Variants in ANGEL2 observed in about 807,000 individuals in gnomAD.
ANGEL2 encodes the protein angel homolog 2.
ANGEL2 carries 41 observed loss-of-function variants against 66.0 expected under a neutral mutation model. The observed-to-expected ratio is 0.62, with a 90% CI of 0.48 to 0.81. ANGEL2 has a LOEUF of 0.81. Ranked by LOEUF, ANGEL2 falls within the 30% of genes least tolerant of loss-of-function variation. ANGEL2 has a pLI of 0.00. For synonymous variants in ANGEL2, 208 were observed against 226.5 expected, an observed-to-expected ratio of 0.92 and a Z score of 0.73; for missense variants, 561 against 641.6, an observed-to-expected ratio of 0.87 and a Z score of 1.36.
chr1:212,996,640 A>AAAATAT (rs56102625), intron 8 of ANGEL2, among the ~76,000 whole-genome samples: 5 of 66,472 alleles, frequency 7.5e-5, no homozygotes, highest in African/African-American at 3.5e-4. Context: ...AAAAAAAAAA[A>AAAATAT]ATATATATAT....
intron 2 of ANGEL2, among the ~76,000 whole-genome samples, chr1:213,009,870 G>A (rs1472398228): frequency 1.3e-5 from 2 of 152,068 alleles, no homozygotes; most frequent in Non-Finnish European, 1.5e-5. Context: ...GGCCAACATG[G>A]CGAAACCCTG....
Position 212,997,146 on chromosome 1 carries a change from A to C in ANGEL2, c.1483+9T>G, listed in dbSNP as rs779568736. 1.6e-5 allele frequency: 25 copies of C among 1,610,202 alleles called. No individual in the cohort carries two copies. Among genetic ancestry groups the C allele is most frequent in the Non-Finnish European group, 2.1e-5 (25 of 1,177,010 alleles). ...TCTAGGAGAATTTAAGATTACATGC[A>C]TTCCTTACCTGGGTGCCCAGCAACA... is the stretch of plus-strand genomic sequence containing the variant. On this transcript the variant is annotated intron_variant, in intron 8 of 8. Coordinates refer to ENST00000366962, the MANE Select transcript of ANGEL2 (RefSeq NM_144567.5).
At chr1:213,011,545 A>G (rs2148177430) in intron 2 of ANGEL2, 1 of 931,494 alleles carries the variant, frequency 1.1e-6, no homozygotes, top group Non-Finnish European at 1.3e-6. Flanking sequence ...AAGGGAAAAC[A>G]ACACCATAAT....
At chr1:213,002,832 C>T (rs557759445) in intron 5 of ANGEL2, among the ~76,000 whole-genome samples, 14 of 151,390 alleles carry the variant, frequency 9.2e-5, no homozygotes, top group Admixed American at 7.2e-4. Context: ...GAAGCAGAAT[C>T]GCTGGAACCC....
intron 7 of ANGEL2, among the ~76,000 whole-genome samples, chr1:212,999,149 G>C (rs1194557235): frequency 6.6e-6 from 1 of 151,950 alleles, no homozygotes; most frequent in South Asian, 2.1e-4. Flanking sequence ...CGAGATTACA[G>C]GCACGAGCCA....
Position 212,992,793 on chromosome 1 carries a change from C to A in ANGEL2, c.*2248G>T. 6.6e-6 allele frequency: 1 copy of A among 152,048 alleles called. No homozygotes were observed. The highest frequency in any genetic ancestry group is 1.5e-5 in the Non-Finnish European group (1 of 68,010). The allele number at this position is 152,048 out of a possible 1,614,324, so 9.4% of individuals were successfully genotyped here. A position where few individuals can be genotyped will look rare whatever the true frequency, so the allele number is the denominator to read the frequency against. ...AGGGATGTTTGTTTGTTAACAATGACCTATATGTAATAATGTTATTTGTTA... is the reference window on the plus strand; with the variant it reads ...AGGGATGTTTGTTTGTTAACAATGAACTATATGTAATAATGTTATTTGTTA... On this transcript the variant is annotated 3_prime_UTR_variant, in exon 9 of 9. Transcript: ENST00000366962.
At chr1:213,015,456 T>C in intron 1 of ANGEL2, 157 bp downstream of exon 1, 1 of 1,448,306 alleles carries the variant, frequency 6.9e-7, no homozygotes, top group East Asian at 2.5e-5. Flanking sequence ...GCTTGGTCTC[T>C]GGAGGCTCGT....
At chr1:213,006,246 G>C (rs1455687551) in intron 4 of ANGEL2, among the ~76,000 whole-genome samples, 1 of 152,056 alleles carries the variant, frequency 6.6e-6, no homozygotes, top group African/African-American at 2.4e-5. Flanking sequence ...CGGATCACGA[G>C]GTCAGGAGAT....
chr1:213,015,008 G>T, intron 1 of ANGEL2: 2 of 511,696 alleles, frequency 3.9e-6, no homozygotes, highest in Non-Finnish European at 5.0e-6. Context: ...GCTAATGTGG[G>T]CAGCACCTAC....
intron 1 of ANGEL2, among the ~76,000 whole-genome samples, chr1:213,014,954 T>C (rs1375184879): frequency 6.6e-6 from 1 of 152,178 alleles, no homozygotes; most frequent in Non-Finnish European, 1.5e-5. Context: ...AAAAACATAA[T>C]CGCACATCAA....
intron 4 of ANGEL2, chr1:213,006,495 T>C (rs2076332676): frequency 6.7e-6 from 1 of 149,370 alleles, no homozygotes; most frequent in Non-Finnish European, 1.5e-5. Flanking sequence ...GCTGAATGAA[T>C]GAATGCAAAG....
chr1:213,004,958 G>T, intron 5 of ANGEL2, 75 bp downstream of exon 5: 1 of 1,122,610 alleles, frequency 8.9e-7, no homozygotes, highest in Non-Finnish European at 1.2e-6. Flanking sequence ...AAATAGCCAT[G>T]TAATGACTAT....
intron 7 of ANGEL2, among the ~76,000 whole-genome samples, chr1:212,997,954 AAT>A (rs1260755379): frequency 6.6e-6 from 1 of 152,182 alleles, no homozygotes; most frequent in Non-Finnish European, 1.5e-5. Flanking sequence ...AGTTCTAGGC[AAT>A]ATGTCAGGTG....
At chr1:213,001,063 C>T (rs1008090762) in intron 5 of ANGEL2, 151 bp from the exon 6 acceptor site, 2 of 685,580 alleles carry the variant, frequency 2.9e-6, no homozygotes, top group South Asian at 4.6e-5. Context: ...CTTATAAAAT[C>T]TTCTTTTCTT....
chr1:213,015,862 C>T lies in ANGEL2; in HGVS notation c.-191G>A. 1 of 657,342 alleles carries T rather than the reference C, an allele frequency of 1.5e-6. No individual in the cohort carries two copies. Among genetic ancestry groups the T allele is most frequent in the Non-Finnish European group, 2.6e-6 (1 of 390,466 alleles). The allele number at this position is 657,342 out of a possible 1,614,324, so 40.7% of individuals were successfully genotyped here. On this transcript the variant is annotated 5_prime_UTR_variant, in exon 1 of 9. Transcript: ENST00000366962. ...ACTCCATCTTGCGCAGTCAGAGTCC[C>T]TGAATGCCTTAACCCGGAATTCTGC...
chr1:213,005,741 TCTCA>T (rs1337847120), intron 4 of ANGEL2, among the ~76,000 whole-genome samples: 1 of 152,182 alleles, frequency 6.6e-6, no homozygotes, highest in African/African-American at 2.4e-5. Context: ...TAATCTATTC[TCTCA>T]CTCTCTCCAC....
At chr1:212,995,393 ATTTT>A (rs1182317116) in intron 8 of ANGEL2, among the ~76,000 whole-genome samples, 1 of 152,222 alleles carries the variant, frequency 6.6e-6, no homozygotes, top group Non-Finnish European at 1.5e-5. Flanking sequence ...AGTTTGAGAT[ATTTT>A]TTCTATTTCC....
intron 2 of ANGEL2, chr1:213,011,441 T>G: frequency 1.8e-6 from 2 of 1,126,948 alleles, no homozygotes. Flanking sequence ...CGAAGAGCAT[T>G]TTCCTTATTC....
chr1:212,996,640 A>ATATATATATATATAT (rs1553281538), intron 8 of ANGEL2, among the ~76,000 whole-genome samples: 16 of 66,460 alleles, frequency 2.4e-4, no homozygotes, highest in African/African-American at 1.0e-3. Flanking sequence ...AAAAAAAAAA[A>ATATATATATATATAT]ATATATATAT....
Sources: gnomAD v4.1 joint callset for allele counts (sites outside exome capture counted in the v4.1 genomes callset) on GRCh38, gnomAD v4.1.1 for gene constraint, MANE v1.5 for transcripts, NCBI Gene and HGNC (gene_info 2026-07-23, HGNC 2026-07-21) for gene names.